LRFN2: variants seen among roughly 807,000 people sequenced by gnomAD.
LRFN2 encodes the protein leucine-rich repeat and fibronectin type-III domain-containing protein 2.
In LRFN2, 18 loss-of-function variants were observed where a neutral mutation model predicts 37.3. The ratio of observed to expected loss-of-function variants is 0.48; its 90% CI spans 0.33 to 0.72. The LOEUF is 0.72. LRFN2 is among the 30% of genes least tolerant of loss of function. The pLI is 0.02. For missense variants in LRFN2, 1,006 were observed against 1,060.7 expected (o/e 0.95, Z 0.72); for synonymous variants, 556 against 466.6 (o/e 1.19, Z -2.47).
chr6:40,560,803 T>C (rs1365839647), intron 1 of LRFN2, among the ~76,000 whole-genome samples: 2 of 152,186 alleles, frequency 1.3e-5, no homozygotes, highest in Non-Finnish European at 2.9e-5. Context: ...TGTTGGTTAT[T>C]TGTATGTTTC....
At chr6:40,418,442 T>C (rs1763145366) in intron 2 of LRFN2, among the ~76,000 whole-genome samples, 1 of 152,188 alleles carries the variant, frequency 6.6e-6, no homozygotes. Flanking sequence ...TTTTCCCTGT[T>C]CCCACCTCTG....
chr6:40,455,306 C>CT (rs1404841531), intron 1 of LRFN2, among the ~76,000 whole-genome samples: 6 of 152,190 alleles, frequency 3.9e-5, no homozygotes, highest in African/African-American at 1.2e-4. Flanking sequence ...ATCTCATGGC[C>CT]TCACCTGCCC....
intron 1 of LRFN2, among the ~76,000 whole-genome samples, chr6:40,485,412 G>A (rs1004272691): frequency 6.6e-6 from 1 of 152,202 alleles, no homozygotes; most frequent in Non-Finnish European, 1.5e-5. Context: ...TGTTTATGGG[G>A]GTGAGAGGAT....
At chr6:40,462,560 C>T (rs1372650482) in intron 1 of LRFN2, among the ~76,000 whole-genome samples, 2 of 152,202 alleles carry the variant, frequency 1.3e-5, no homozygotes, top group Non-Finnish European at 2.9e-5. Flanking sequence ...GCATCTAAAT[C>T]TGTATCTCTT....
At chr6:40,468,433 C>T (rs1192051451) in intron 1 of LRFN2, among the ~76,000 whole-genome samples, 2 of 152,130 alleles carry the variant, frequency 1.3e-5, no homozygotes, top group Non-Finnish European at 2.9e-5. Context: ...TCAGTGAGAG[C>T]AATCATTCCT....
chr6:40,584,254 C>T (rs1193063297), intron 1 of LRFN2, among the ~76,000 whole-genome samples: 4 of 152,158 alleles, frequency 2.6e-5, no homozygotes, highest in Non-Finnish European at 5.9e-5. Context: ...ATCTGAAAAG[C>T]GGTTTGGGGA....
chr6:40,556,746 CA>C (rs1766895802), intron 1 of LRFN2, among the ~76,000 whole-genome samples: 1 of 143,100 alleles, frequency 7.0e-6, no homozygotes, highest in Non-Finnish European at 1.5e-5. Flanking sequence ...CACACACACA[CA>C]CACACGCACA....
At chr6:40,419,298 T>C (rs9369201) in intron 2 of LRFN2, among the ~76,000 whole-genome samples, 20,217 of 152,178 alleles carry the variant, frequency 0.13, 1,460 homozygotes, top group Non-Finnish European at 0.15. Flanking sequence ...GCTAGCGGGA[T>C]TTTGCAGGTG....
chr6:40,468,444 T>C (rs1487032167), intron 1 of LRFN2, among the ~76,000 whole-genome samples: 1 of 152,054 alleles, frequency 6.6e-6, no homozygotes, highest in Non-Finnish European at 1.5e-5. Context: ...AATCATTCCT[T>C]TGGGGAAGAA....
intron 1 of LRFN2, among the ~76,000 whole-genome samples, chr6:40,453,123 GAGAC>G (rs1764151221): frequency 6.6e-6 from 1 of 152,158 alleles, no homozygotes; most frequent in African/African-American, 2.4e-5. Flanking sequence ...ATTGCAGGTA[GAGAC>G]TCCAGCTCTC....
In LRFN2 at chr6:40,391,800, G is replaced by T. The variant is rs1241079375; in HGVS notation, c.*143C>A. 8.7e-6 allele frequency: 7 copies of T among 804,996 alleles called. No homozygotes were observed. Among genetic ancestry groups the T allele is most frequent in the Admixed American group, 7.0e-5 (2 of 28,528 alleles). 49.9% of individuals were successfully genotyped at this position (804,996 alleles called of 1,614,324 possible). A position where few individuals can be genotyped will look rare whatever the true frequency, so the allele number is the denominator to read the frequency against. ...AGGTGATGTGGGTGTTGCGGGGTAG[G>T]GGGGGACACGAGGCCATTGACAGGG... On this transcript the variant is annotated 3_prime_UTR_variant, in exon 3 of 3. Coordinates refer to ENST00000338305, the MANE Select transcript of LRFN2 (RefSeq NM_020737.3).
intron 1 of LRFN2, among the ~76,000 whole-genome samples, chr6:40,482,210 T>C (rs1438799092): frequency 6.6e-6 from 1 of 152,176 alleles, no homozygotes; most frequent in African/African-American, 2.4e-5. Context: ...CTTCTGAAAC[T>C]CACTCCTCCC....
At chr6:40,550,588 G>T (rs1300043766) in intron 1 of LRFN2, among the ~76,000 whole-genome samples, 1 of 152,184 alleles carries the variant, frequency 6.6e-6, no homozygotes, top group Non-Finnish European at 1.5e-5. Flanking sequence ...AGCATGCACT[G>T]CCAGAAGAAG....
At chr6:40,569,138 T>C (rs1484549635) in intron 1 of LRFN2, among the ~76,000 whole-genome samples, 6 of 152,280 alleles carry the variant, frequency 3.9e-5, no homozygotes, top group Middle Eastern at 3.4e-3. Context: ...TAGGGAGAGA[T>C]AGCTTGGTAG....
rs538081989 is a variant in LRFN2, at chr6:40,499,048, G to A, written c.-18-65917C>T. Among the ~76,000 whole-genome samples the A allele has an allele frequency of 1.1e-4, 16 of 152,262 alleles. No individual in the cohort carries two copies. The Middle Eastern group carries it at 0.037, about 356-fold the overall frequency. ...CACGATTTCAAACACAAATCCGAAG[G>A]CATTTTTATGATGCCCCAGGTAGCA... On this transcript the variant is annotated intron_variant, in intron 1 of 2. Coordinates refer to ENST00000338305, the MANE Select transcript of LRFN2 (RefSeq NM_020737.3).
rs73732608 is a variant in LRFN2 at position 40,407,527 on chromosome 6, C to G, written c.1401-14615G>C. On this transcript the variant is annotated intron_variant, in intron 2 of 2. Coordinates refer to ENST00000338305, the MANE Select transcript of LRFN2 (RefSeq NM_020737.3). Reference sequence around the variant, plus strand: ...GCTCCCTTCCTGGGTCATCTGGTACCACAATGGCGATGACTACAATGATGC... The same window carrying G: ...GCTCCCTTCCTGGGTCATCTGGTACGACAATGGCGATGACTACAATGATGC... Among the ~76,000 whole-genome samples, 550 of 152,312 alleles carry G rather than the reference C, an allele frequency of 3.6e-3. 5 individuals are homozygous for G. Among genetic ancestry groups the G allele is most frequent in the African/African-American group, 0.012 (514 of 41,554 alleles).
chr6:40,503,217 G>A (rs1030163548), intron 1 of LRFN2, among the ~76,000 whole-genome samples: 2 of 152,152 alleles, frequency 1.3e-5, no homozygotes, highest in Non-Finnish European at 2.9e-5. Flanking sequence ...TGGCAGAGAG[G>A]GTGACATGAT....
Position 40,392,429 on chromosome 6 carries a change from G to A in LRFN2, c.1884C>T (p.Gly628=), listed in dbSNP as rs1762527977. Residue 628 remains glycine, a synonymous_variant, in exon 3 of 3, where the codon GGC becomes GGT. Transcript: ENST00000338305. The surrounding 1 kb of genome is among the most constrained non-coding windows in gnomAD (Gnocchi z 4.7). ...GTCCCAGCCCCGCAGCCTCCCCACTGCCCAGGGAGCTGGAGGAAGAGGAGT... is the reference window on the plus strand; with the variant it reads ...GTCCCAGCCCCGCAGCCTCCCCACTACCCAGGGAGCTGGAGGAAGAGGAGT... The part of the protein sequence containing the change: ...ASDSSSSSSL[G]SGEAAGLGRA... 5.1e-6 allele frequency: 8 copies of A among 1,567,234 alleles called. No homozygotes were observed. Among genetic ancestry groups the A allele is most frequent in the Non-Finnish European group, 6.9e-6 (8 of 1,156,070 alleles).
intron 1 of LRFN2, among the ~76,000 whole-genome samples, chr6:40,578,965 C>T (rs982387136): frequency 6.6e-6 from 1 of 152,222 alleles, no homozygotes; most frequent in Non-Finnish European, 1.5e-5. Flanking sequence ...TAAATGTTCC[C>T]TAATAATGTG....
Sources: gnomAD v4.1 joint callset for allele counts (sites outside exome capture counted in the v4.1 genomes callset) on GRCh38, gnomAD v4.1.1 for gene constraint, Gnocchi (gnomAD v3.1) non-coding constraint, MANE v1.5 for transcripts, NCBI Gene and HGNC (gene_info 2026-07-23, HGNC 2026-07-21) for gene names.